MMS22L: variants seen among roughly 807,000 people sequenced by gnomAD.
MMS22L encodes the protein protein MMS22-like.
A neutral mutation model predicts 159.1 loss-of-function variants in MMS22L; 74 were observed. That is an observed-to-expected ratio of 0.47 (90% CI 0.39 to 0.56). The LOEUF is 0.56. MMS22L is among the 20% of genes least tolerant of loss of function. MMS22L has a pLI of 0.00. For synonymous variants in MMS22L, 517 were observed against 506.9 expected, an observed-to-expected ratio of 1.02 and a Z score of -0.27; for missense variants, 1,351 against 1,422.1, an observed-to-expected ratio of 0.95 and a Z score of 0.80.
chr6:97,183,521 G>C (rs1443013478), intron 15 of MMS22L, among the ~76,000 whole-genome samples: 3 of 152,016 alleles, frequency 2.0e-5, no homozygotes, highest in African/African-American at 4.8e-5. Context: ...CATTTCCCTA[G>C]TCCATTCAGT....
intron 14 of MMS22L, among the ~76,000 whole-genome samples, chr6:97,216,517 T>C (rs1211691266): frequency 6.6e-6 from 1 of 152,220 alleles, no homozygotes; most frequent in Non-Finnish European, 1.5e-5. Flanking sequence ...ACTAGGTCAA[T>C]GTACCAAAGT....
rs764224379 is a variant in MMS22L at position 97,168,053 on chromosome 6, C to T, written c.3009+18G>A. On this transcript the variant is annotated intron_variant, in intron 20 of 24. Transcript: ENST00000683635. ...AATATTTTTTTTTTAAACTTTTAAG[C>T]AACCACAGATACTATACCTGGAGAT... is the stretch of plus-strand genomic sequence containing the variant. 3.2e-6 allele frequency: 5 copies of T among 1,542,268 alleles called. No homozygotes were observed. Among genetic ancestry groups the T allele is most frequent in the Non-Finnish European group, 4.4e-6 (5 of 1,149,298 alleles).
intron 4 of MMS22L, among the ~76,000 whole-genome samples, chr6:97,277,290 G>A (rs573923128): frequency 1.1e-4 from 16 of 152,098 alleles, no homozygotes; most frequent in Non-Finnish European, 2.2e-4. Flanking sequence ...GTGTGCGCCT[G>A]TAATCCCAGC....
intron 22 of MMS22L, among the ~76,000 whole-genome samples, chr6:97,157,024 A>G (rs1018392613): frequency 2.6e-5 from 4 of 151,996 alleles, no homozygotes; most frequent in African/African-American, 9.7e-5. Flanking sequence ...GTTCTCCTTG[A>G]AGAGGTCCTT....
intron 10 of MMS22L, among the ~76,000 whole-genome samples, chr6:97,247,594 CT>C (rs1163386799): frequency 1.3e-5 from 2 of 152,078 alleles, no homozygotes; most frequent in Admixed American, 1.3e-4. Flanking sequence ...TGGCGGGTGC[CT>C]GTATCCCAGC....
intron 8 of MMS22L, chr6:97,264,512 A>T (rs1377430200): frequency 1.3e-5 from 2 of 151,272 alleles, no homozygotes; most frequent in African/African-American, 4.9e-5. Flanking sequence ...ATACAAAGTT[A>T]AAAAAAAAGT....
intron 21 of MMS22L, among the ~76,000 whole-genome samples, chr6:97,163,529 C>T (rs970318620): frequency 1.4e-4 from 21 of 152,146 alleles, no homozygotes; most frequent in African/African-American, 5.1e-4. Context: ...ATTCTGGGAT[C>T]CTAAACACTG....
At chr6:97,207,380 C>T (rs543255011) in intron 14 of MMS22L, among the ~76,000 whole-genome samples, 1 of 152,126 alleles carries the variant, frequency 6.6e-6, no homozygotes, top group African/African-American at 2.4e-5. Flanking sequence ...GTGTGTTATA[C>T]TTCAATGTAC....
At chr6:97,179,800 C>T (rs115567005) in intron 16 of MMS22L, among the ~76,000 whole-genome samples, 184 of 152,066 alleles carry the variant, frequency 1.2e-3, no homozygotes, top group African/African-American at 4.1e-3. Context: ...TTCCTTTTTC[C>T]ACTGATGGCA....
intron 19 of MMS22L, among the ~76,000 whole-genome samples, chr6:97,171,109 C>A (rs1057242153): frequency 6.6e-6 from 1 of 152,178 alleles, no homozygotes; most frequent in East Asian, 1.9e-4. Flanking sequence ...ATAGTATACA[C>A]TATCTCCTAC....
intron 3 of MMS22L, among the ~76,000 whole-genome samples, chr6:97,280,730 G>C (rs1323717691): frequency 6.6e-6 from 1 of 152,144 alleles, no homozygotes; most frequent in Non-Finnish European, 1.5e-5. Context: ...AAGAAGAGGA[G>C]ACAAGACAGA....
At chr6:97,149,158 C>T (rs1347168106) in intron 24 of MMS22L, among the ~76,000 whole-genome samples, 3 of 152,052 alleles carry the variant, frequency 2.0e-5, no homozygotes, top group Non-Finnish European at 4.4e-5. Context: ...ATGATGAAAT[C>T]GCCTAACTAC....
intron 15 of MMS22L, 83 bp from the exon 16 acceptor site, chr6:97,182,137 A>AT: frequency 9.0e-7 from 1 of 1,105,092 alleles, no homozygotes. Flanking sequence ...AATTATAACA[A>AT]GTGTTTTTTT....
At chr6:97,167,388 A>G (rs1363259247) in intron 20 of MMS22L, among the ~76,000 whole-genome samples, 2 of 152,128 alleles carry the variant, frequency 1.3e-5, no homozygotes, top group African/African-American at 4.8e-5. Flanking sequence ...TTTTATTCCC[A>G]CTGCCTTAGG....
intron 11 of MMS22L, among the ~76,000 whole-genome samples, chr6:97,238,445 T>A (rs1562493070): frequency 6.6e-6 from 1 of 152,162 alleles, no homozygotes; most frequent in Non-Finnish European, 1.5e-5. Flanking sequence ...GATTAAAGAT[T>A]GTTTTTAGTA....
chr6:97,209,188 A>T (rs988086428), intron 14 of MMS22L, among the ~76,000 whole-genome samples: 45 of 151,992 alleles, frequency 3.0e-4, no homozygotes, highest in African/African-American at 1.0e-3. Flanking sequence ...TTCATTACTC[A>T]TTAATTTTCA....
At chr6:97,250,978 A>T (rs138185670) in intron 10 of MMS22L, among the ~76,000 whole-genome samples, 4 of 152,160 alleles carry the variant, frequency 2.6e-5, no homozygotes, top group Non-Finnish European at 5.9e-5. Context: ...AGAAAAAAAA[A>T]TTTTCAAAAT....
chr6:97,209,304 T>A (rs930130986), intron 14 of MMS22L, among the ~76,000 whole-genome samples: 1 of 152,050 alleles, frequency 6.6e-6, no homozygotes, highest in Admixed American at 6.6e-5. Flanking sequence ...TTTGCACTAA[T>A]AGCACTCAAA....
chr6:97,197,355 C>T (rs945496737), intron 14 of MMS22L, among the ~76,000 whole-genome samples: 5 of 151,990 alleles, frequency 3.3e-5, no homozygotes, highest in Admixed American at 6.6e-5. Context: ...ACGTAATGAA[C>T]GAAAGTAAAA....
Sources: gnomAD v4.1 joint callset for allele counts (sites outside exome capture counted in the v4.1 genomes callset) on GRCh38, gnomAD v4.1.1 for gene constraint, MANE v1.5 for transcripts, NCBI Gene and HGNC (gene_info 2026-07-23, HGNC 2026-07-21) for gene names.